The following P2RX2 variants were observed in gnomAD, a reference collection of about 807,000 sequenced individuals.
The protein encoded by P2RX2 is purinergic receptor P2X 2.
In P2RX2, 50 loss-of-function variants were observed where a neutral mutation model predicts 54.8. The observed-to-expected ratio is 0.91, with a 90% confidence interval of 0.73 to 1.15. The LOEUF (loss-of-function observed/expected upper bound fraction) is 1.15, where lower values mean the gene tolerates loss of function less well. Among genes scored for constraint, P2RX2 ranks in the 50% most tolerant of loss-of-function variants. The pLI is 0.00. For synonymous variants in P2RX2, 289 were observed against 259.4 expected (o/e 1.11, Z -1.09); for missense variants, 658 against 633.2 (o/e 1.04, Z -0.42).
At position 132,621,998 on chromosome 12, in the gene P2RX2, A is replaced by G. The variant is rs1194582202; in HGVS notation, c.*26A>G. 2 of 1,612,906 alleles carry G rather than the reference A, an allele frequency of 1.2e-6. No individual in the cohort carries two copies. The highest frequency in any genetic ancestry group is 8.5e-7 in the Non-Finnish European group (1 of 1,179,804). ...GCTCCTTTCCATCTCACTGGACTGC[A>G]GACCCGGCCTGGTGGGGCCAGAGAG... On this transcript the variant is annotated 3_prime_UTR_variant, in exon 11 of 11. Transcript: ENST00000643471.
At chr12:132,619,976 G>A in intron 4 of P2RX2, 24 bp from the exon 5 acceptor site, 1 of 1,577,684 alleles carries the variant, frequency 6.3e-7, no homozygotes, top group Non-Finnish European at 8.6e-7. Flanking sequence ...CCCCGCTAAT[G>A]CCTCAGTGAC....
Position 132,622,279 on chromosome 12 carries a change from C to T in P2RX2, c.*307C>T, listed in dbSNP as rs1429847582. The T allele has an allele frequency of 1.6e-6, 2 of 1,269,306 alleles. No homozygotes were observed. Among genetic ancestry groups the T allele is most frequent in the Non-Finnish European group, 2.0e-6 (2 of 995,790 alleles). 78.6% of individuals were successfully genotyped at this position (1,269,306 alleles called of 1,614,324 possible). On this transcript the variant is annotated 3_prime_UTR_variant, in exon 11 of 11. Transcript: ENST00000643471. ...GAGGGGCTCTGCTCCCGGTCTTGGG[C>T]CCTGGGAACCCCACCCCACCCCACC... is the stretch of plus-strand genomic sequence containing the variant.
rs1393057195 is a variant in P2RX2, at chr12:132,621,502, A to G, written c.1024A>G (p.Ile342Val). The G allele has an allele frequency of 6.4e-7, 1 of 1,561,964 alleles. No homozygotes were observed. Among genetic ancestry groups the G allele is most frequent in the African/African-American group, 1.4e-5 (1 of 73,598 alleles). The part of the protein sequence containing the change: ...QAGKFSLIPT[I>V]INLATALTSV... ...CGGGAAGTTCAGCCTGATTCCCACCATTATTAATCTGGCCACAGCTCTGAC... is the reference window on the plus strand; with the variant it reads ...CGGGAAGTTCAGCCTGATTCCCACCGTTATTAATCTGGCCACAGCTCTGAC... Residue 342 changes from isoleucine (I) to valine (V), a missense_variant, in exon 10 of 11, where the codon ATT (isoleucine) becomes GTT (valine). By Grantham distance (29) the Ile-to-Val change is conservative (BLOSUM62 3). Transcript: ENST00000643471.
intron 6 of P2RX2, 41 bp from the exon 7 acceptor site, chr12:132,620,404 G>T: frequency 6.2e-7 from 1 of 1,614,062 alleles, no homozygotes; most frequent in Non-Finnish European, 8.5e-7. Flanking sequence ...CTGGGAATGG[G>T]GTATTTGGGG....
chr12:132,620,677 A>C (rs754463485), intron 7 of P2RX2, 94 bp downstream of exon 7: 274 of 1,373,736 alleles, frequency 2.0e-4, no homozygotes, highest in Non-Finnish European at 2.6e-4. Context: ...CTCCCTCCTG[A>C]CCAGCTGGCC....
At chr12:132,620,873 TGACCCGGGC>T in intron 7 of P2RX2, 119 bp from the exon 8 acceptor site, 15 of 971,914 alleles carry the variant, frequency 1.5e-5, no homozygotes, top group South Asian at 7.2e-5. Context: ...AGCCTGGGAC[TGACCCGGGC>T]TCTCGAGGGG....
At position 132,619,428 on chromosome 12, in the gene P2RX2, C is replaced by T; in HGVS notation, c.174-11C>T. ...GGTCGCCTCCGGAGCCGGCGCCGCC[C>T]CTGCCCGCAGGTACGTATTCATCGT... On this transcript the variant is annotated splice_polypyrimidine_tract_variant and intron_variant, in intron 1 of 10. Transcript: ENST00000643471. The T allele has an allele frequency of 6.2e-7, 1 of 1,611,530 alleles. No individual in the cohort carries two copies. Among genetic ancestry groups the T allele is most frequent in the South Asian group, 1.1e-5 (1 of 91,064 alleles).
Position 132,621,515 on chromosome 12 carries a change from C to T in P2RX2, c.1037C>T (p.Ala346Val), listed in dbSNP as rs1314648954. ...FSLIPTIINLATALTSVGVGS... is the reference protein window; with the variant it reads ...FSLIPTIINLVTALTSVGVGS... ...CTGATTCCCACCATTATTAATCTGG[C>T]CACAGCTCTGACTTCCGTCGGGGTG... Residue 346 changes from alanine (A) to valine (V), a missense_variant, in exon 10 of 11, where the codon GCC becomes GTC. Coordinates refer to ENST00000643471, the MANE Select transcript of P2RX2 (RefSeq NM_170682.4). The T allele has an allele frequency of 1.9e-6, 3 of 1,566,800 alleles. No individual in the cohort carries two copies. Among genetic ancestry groups the T allele is most frequent in the South Asian group, 1.2e-5 (1 of 83,238 alleles).
At position 132,619,555 on chromosome 12, in the gene P2RX2, A is replaced by T; in HGVS notation, c.290A>T (p.Glu97Val). The stretch of plus-strand genomic sequence containing the variant: ...GAGCACAAAGTGTGGGACGTGGAGG[A>T]GTACGTGAAGCCCCCCGAGGTGCGG... ...TSEHKVWDVE[E>V]YVKPPEGGSV... Residue 97 changes from glutamate (E) to valine (V), a missense_variant, in exon 2 of 11, where the codon GAG (glutamate) becomes GTG (valine). Physicochemically the swap from Glu to Val is moderately radical, Grantham distance 121. Transcript: ENST00000643471. 1 of 1,611,258 alleles carries T rather than the reference A, an allele frequency of 6.2e-7. No homozygotes were observed. Among genetic ancestry groups the T allele is most frequent in the Non-Finnish European group, 8.5e-7 (1 of 1,179,016 alleles).
Position 132,619,859 on chromosome 12 carries a change from A to C in P2RX2, c.397A>C (p.Asn133His). The stretch of plus-strand genomic sequence containing the variant: ...TCCACCCTAGAGCATAAGGGTCCAC[A>C]ACGCCACCTGCCTCTCCGACGCCGA... ...GTCPESIRVH[N>H]ATCLSDADCV... Residue 133 changes from asparagine (N) to histidine (H), a missense_variant, in exon 4 of 11, where the codon AAC becomes CAC. Coordinates refer to ENST00000643471, the MANE Select transcript of P2RX2 (RefSeq NM_170682.4). The C allele has an allele frequency of 6.2e-7, 1 of 1,611,234 alleles. No homozygotes were observed. The highest frequency in any genetic ancestry group is 1.1e-5 in the South Asian group (1 of 90,904).
Position 132,620,885 on chromosome 12 carries a change from TCGAGGGGC to T in P2RX2, c.775-114_775-107del. On this transcript the variant is annotated intron_variant, in intron 7 of 10. Coordinates refer to ENST00000643471, the MANE Select transcript of P2RX2 (RefSeq NM_170682.4). ...TGCAGCCTGGGACTGACCCGGGCTC[TCGAGGGGC>T]CTCTCGTGTGCCCTTGTGACCCCCT... 3.9e-5 allele frequency: 24 copies of T among 615,224 alleles called. 4 individuals carry two copies. The highest frequency in any genetic ancestry group is 2.0e-4 in the South Asian group (5 of 24,714). The allele number at this position is 615,224 out of a possible 1,614,324, so 38.1% of individuals were successfully genotyped here.
chr12:132,619,602 C>G, intron 2 of P2RX2, 28 bp downstream of exon 2: 1 of 1,599,628 alleles, frequency 6.3e-7, no homozygotes, highest in Non-Finnish European at 8.5e-7. Flanking sequence ...CCCCCCGCCC[C>G]GCCGTGCACC....
Position 132,619,481 on chromosome 12 carries a change from G to T in P2RX2, c.216G>T (p.Thr72=), listed in dbSNP as rs1291572028. 1.2e-6 allele frequency: 2 copies of T among 1,612,494 alleles called. No homozygotes were observed. The highest frequency in any genetic ancestry group is 2.2e-5 in the East Asian group (1 of 44,830). Residue 72 remains threonine (T), a synonymous_variant, in exon 2 of 11, where the codon ACG becomes ACT. Transcript: ENST00000643471. ...AGAAAAGCTACCAGGAGAGCGAGACGGGCCCCGAGAGCTCCATCATCACCA... is the reference window on the plus strand; with the variant it reads ...AGAAAAGCTACCAGGAGAGCGAGACTGGCCCCGAGAGCTCCATCATCACCA... ...IVQKSYQESE[T]GPESSIITKV...
chr12:132,619,438 G>A lies in P2RX2; in HGVS notation c.174-1G>A. The A allele has an allele frequency of 6.2e-7, 1 of 1,611,960 alleles. No individual in the cohort carries two copies. The highest frequency in any genetic ancestry group is 8.5e-7 in the Non-Finnish European group (1 of 1,179,300). ...GGAGCCGGCGCCGCCCCTGCCCGCA[G>A]GTACGTATTCATCGTGCAGAAAAGC... On this transcript the variant is annotated splice_acceptor_variant, in intron 1 of 10. Coordinates refer to ENST00000643471, the MANE Select transcript of P2RX2 (RefSeq NM_170682.4). LOFTEE classifies it high-confidence loss of function.
In P2RX2 at chr12:132,621,515, C is replaced by G; in HGVS notation, c.1037C>G (p.Ala346Gly). The G allele has an allele frequency of 6.4e-7, 1 of 1,566,918 alleles. No homozygotes were observed. Among genetic ancestry groups the G allele is most frequent in the Non-Finnish European group, 8.7e-7 (1 of 1,155,090 alleles). ...FSLIPTIINL[A>G]TALTSVGVGS... ...CTGATTCCCACCATTATTAATCTGG[C>G]CACAGCTCTGACTTCCGTCGGGGTG... Residue 346 changes from alanine to glycine, a missense_variant, in exon 10 of 11, where the codon GCC becomes GGC. Physicochemically the swap from Ala to Gly is moderately conservative, Grantham distance 60. Coordinates refer to ENST00000643471, the MANE Select transcript of P2RX2 (RefSeq NM_170682.4).
In P2RX2 at chr12:132,618,806, C is replaced by T; in HGVS notation, c.-11C>T. On this transcript the variant is annotated 5_prime_UTR_variant, in exon 1 of 11. Transcript: ENST00000643471. ...TGCAGCGCCTTCCTGGAGGTGGGGG[C>T]CGCCCGCGCCATGGCCGCCGCCCAG... The T allele has an allele frequency of 2.4e-6, 3 of 1,234,948 alleles. No homozygotes were observed. The highest frequency in any genetic ancestry group is 3.1e-6 in the Non-Finnish European group (3 of 982,580). The allele number at this position is 1,234,948 out of a possible 1,614,324, so 76.5% of individuals were successfully genotyped here.
rs1216856239 is a variant in P2RX2 at position 132,622,286 on chromosome 12, A to T, written c.*314A>T. 1.6e-6 allele frequency: 2 copies of T among 1,241,976 alleles called. No homozygotes were observed. The highest frequency in any genetic ancestry group is 2.1e-6 in the Non-Finnish European group (2 of 974,086). The allele number at this position is 1,241,976 out of a possible 1,614,324, so 76.9% of individuals were successfully genotyped here. On this transcript the variant is annotated 3_prime_UTR_variant, in exon 11 of 11. Transcript: ENST00000643471. ...TCTGCTCCCGGTCTTGGGCCCTGGG[A>T]ACCCCACCCCACCCCACCCCACAGG...
In P2RX2 at chr12:132,621,051, T is replaced by C; in HGVS notation, c.825T>C (p.Pro275=). Residue 275 remains proline, a synonymous_variant, in exon 8 of 11, where the codon CCT becomes CCC. Transcript: ENST00000643471. ...ACTGGGACTGTGACCTGGACCTGCCTGCATCGGAGTGCAACCCCAAGTACT... is the reference window on the plus strand; with the variant it reads ...ACTGGGACTGTGACCTGGACCTGCCCGCATCGGAGTGCAACCCCAAGTACT... ...IINWDCDLDL[P]ASECNPKYSF... is the part of the protein sequence containing the mutation. 5 of 1,614,162 alleles carry C rather than the reference T, an allele frequency of 3.1e-6. No homozygotes were observed. Among genetic ancestry groups the C allele is most frequent in the Non-Finnish European group, 4.2e-6 (5 of 1,180,002 alleles).
Position 132,621,907 on chromosome 12 carries a change from A to G in P2RX2, c.1351A>G (p.Thr451Ala), listed in dbSNP as rs1241625388. The G allele has an allele frequency of 1.9e-6, 3 of 1,613,260 alleles. No individual in the cohort carries two copies. Among genetic ancestry groups the G allele is most frequent in the Non-Finnish European group, 2.5e-6 (3 of 1,179,904 alleles). ...TGCCCCTTCTGAGCAGATGGTGGAC[A>G]CTCCTGCCTCCGAGCCTGCCCAAGC... The part of the protein sequence containing the change: ...ISAPSEQMVD[T>A]PASEPAQAST... Residue 451 changes from threonine to alanine, a missense_variant, in exon 11 of 11, where the codon ACT becomes GCT. Transcript: ENST00000643471.
Sources: allele counts gnomAD v4.1 joint callset, GRCh38; gene constraint gnomAD v4.1.1; transcripts MANE v1.5; gene names NCBI Gene and HGNC (gene_info 2026-07-23, HGNC 2026-07-21).